Variants in EFEMP1 observed in about 807,000 individuals in gnomAD.
The protein encoded by EFEMP1 is EGF-containing fibulin-like extracellular matrix protein 1.
A neutral mutation model predicts 65.7 loss-of-function variants in EFEMP1; 18 were observed. That is an observed-to-expected ratio of 0.27 (90% CI 0.19 to 0.41). The LOEUF (loss-of-function observed/expected upper bound fraction) is 0.41, where lower values mean the gene tolerates loss of function less well. Ranked by LOEUF, EFEMP1 falls within the 10% of genes least tolerant of loss-of-function variation. EFEMP1 has a pLI of 1.00. For missense variants in EFEMP1, 469 were observed against 624.8 expected (o/e 0.75, Z 2.66); for synonymous variants, 237 against 219.7 (o/e 1.08, Z -0.70).
In EFEMP1 at chr2:55,877,143, T is replaced by A. The variant is rs1669068509; in HGVS notation, c.761-401A>T. ...ATATAAGACACTTATACTGATATGG[T>A]CTCTCAGCATGCTGTACTGAAGATT... On this transcript the variant is annotated intron_variant, in intron 7 of 11. Coordinates refer to ENST00000355426, the MANE Select transcript of EFEMP1 (RefSeq NM_001039348.3). The surrounding 1 kb of genome is among the most constrained non-coding windows in gnomAD (Gnocchi z 4.5). Among the ~76,000 whole-genome samples the A allele has an allele frequency of 6.6e-6, 1 of 152,186 alleles. No individual in the cohort carries two copies. The highest frequency in any genetic ancestry group is 1.5e-5 in the Non-Finnish European group (1 of 68,038).
chr2:55,889,919 G>T (rs1031022269), intron 5 of EFEMP1, among the ~76,000 whole-genome samples: 7 of 151,406 alleles, frequency 4.6e-5, no homozygotes, highest in Admixed American at 3.9e-4. Flanking sequence ...AAAACAAAAG[G>T]AAACTAAAAT....
At chr2:55,895,546 T>TC (rs1216279789) in intron 5 of EFEMP1, among the ~76,000 whole-genome samples, 2 of 147,574 alleles carry the variant, frequency 1.4e-5, no homozygotes, top group East Asian at 3.9e-4. Flanking sequence ...CAAATTATCT[T>TC]TTTTTTTTTT....
rs1668899815 is a variant in EFEMP1, at chr2:55,873,393, T to C, written c.1000+1553A>G. On this transcript the variant is annotated intron_variant, in intron 9 of 11. Coordinates refer to ENST00000355426, the MANE Select transcript of EFEMP1 (RefSeq NM_001039348.3). The surrounding 1 kb of genome is among the most constrained non-coding windows in gnomAD (Gnocchi z 4.6). ...ATTTTGGTGCATTTTCCACCTTTAA[T>C]TACAATAGATATAAATGTTTCCACA... 6.6e-6 allele frequency among the ~76,000 whole-genome samples: 1 copy of C among 152,100 alleles called. No individual in the cohort carries two copies. Among genetic ancestry groups the C allele is most frequent in the Non-Finnish European group, 1.5e-5 (1 of 67,972 alleles).
At chr2:55,875,103 A>G in intron 8 of EFEMP1, 38 bp from the exon 9 acceptor site, 1 of 1,534,420 alleles carries the variant, frequency 6.5e-7, no homozygotes, top group Non-Finnish European at 8.8e-7. Flanking sequence ...CAGAGTTGAA[A>G]AGTTTGTGCA....
chr2:55,922,277 T>C lies in EFEMP1; in HGVS notation c.81+83A>G. 7.9e-7 allele frequency: 1 copy of C among 1,272,538 alleles called. No homozygotes were observed. The highest frequency in any genetic ancestry group is 1.1e-6 in the Non-Finnish European group (1 of 871,620). 78.8% of individuals were successfully genotyped at this position (1,272,538 alleles called of 1,614,324 possible). A position where few individuals can be genotyped will look rare whatever the true frequency, so the allele number is the denominator to read the frequency against. ...CACCCTCAGCAGAGTATAGCCCAAA[T>C]ACACTGGCAGGGGTGTGTAAAGTCT... On this transcript the variant is annotated intron_variant, in intron 3 of 11. Transcript: ENST00000355426. This position sits in a 1 kb window ranked among gnomAD's most constrained non-coding sequence, Gnocchi z 5.5.
At chr2:55,880,467 G>A (rs1268024573) in intron 6 of EFEMP1, among the ~76,000 whole-genome samples, 4 of 152,154 alleles carry the variant, frequency 2.6e-5, no homozygotes, top group Non-Finnish European at 5.9e-5. Flanking sequence ...TTAAATCACA[G>A]CTTCATTTAT....
chr2:55,920,104 C>T (rs143656908), intron 3 of EFEMP1, among the ~76,000 whole-genome samples: 54 of 152,306 alleles, frequency 3.5e-4, no homozygotes, highest in African/African-American at 1.3e-3. Flanking sequence ...CTGATCTGAC[C>T]TTATCACCAC....
At chr2:55,876,492 A>T in intron 8 of EFEMP1, 131 bp downstream of exon 8, 1 of 1,335,456 alleles carries the variant, frequency 7.5e-7, no homozygotes, top group Non-Finnish European at 1.0e-6. Context: ...CAACTGAACT[A>T]CATTAACTGG....
intron 5 of EFEMP1, among the ~76,000 whole-genome samples, chr2:55,892,377 C>T (rs1669659235): frequency 6.6e-6 from 1 of 152,100 alleles, no homozygotes; most frequent in Admixed American, 6.5e-5. Flanking sequence ...TAACTTGGAT[C>T]TTGGGAAACC....
chr2:55,907,973 A>C (rs1670343504), intron 5 of EFEMP1, among the ~76,000 whole-genome samples: 2 of 152,086 alleles, frequency 1.3e-5, no homozygotes, highest in Middle Eastern at 3.2e-3. Flanking sequence ...CGTCACTCTT[A>C]TTTCACCTAC....
At position 55,870,974 on chromosome 2, in the gene EFEMP1, C is replaced by A; in HGVS notation, c.1124+26G>T. On this transcript the variant is annotated intron_variant, in intron 10 of 11. Transcript: ENST00000355426. This position sits in a 1 kb window ranked among gnomAD's most constrained non-coding sequence, Gnocchi z 5.8. ...GCTTGGTAAGACCAGAAAATCCTCA[C>A]TTTCAAAAGTTCTGATTTTTCTTAC... The A allele has an allele frequency of 6.2e-7, 1 of 1,613,718 alleles. No homozygotes were observed. The highest frequency in any genetic ancestry group is 8.5e-7 in the Non-Finnish European group (1 of 1,179,778).
rs150491222 is a variant in EFEMP1, at chr2:55,917,002, G to T, written c.517+663C>A. On this transcript the variant is annotated intron_variant, in intron 5 of 11. Coordinates refer to ENST00000355426, the MANE Select transcript of EFEMP1 (RefSeq NM_001039348.3). This position sits in a 1 kb window ranked among gnomAD's most constrained non-coding sequence, Gnocchi z 6.3. ...TGATATAAGTGAAACGTCGTCAAAT[G>T]AGAGCTTAAAAGAGATATAAACGTG... Among the ~76,000 whole-genome samples, 17 of 152,224 alleles carry T rather than the reference G, an allele frequency of 1.1e-4. No individual in the cohort carries two copies. Among genetic ancestry groups the T allele is most frequent in the Non-Finnish European group, 1.8e-4 (12 of 68,044 alleles).
chr2:55,900,314 TC>T (rs980556249), intron 5 of EFEMP1, among the ~76,000 whole-genome samples: 2 of 139,316 alleles, frequency 1.4e-5, no homozygotes, highest in Admixed American at 7.2e-5. Flanking sequence ...GCCCCCACGA[TC>T]CCCCCCACCA....
At chr2:55,908,750 T>C (rs1342953584) in intron 5 of EFEMP1, among the ~76,000 whole-genome samples, 1 of 152,164 alleles carries the variant, frequency 6.6e-6, no homozygotes. Context: ...TTTTCAGGCT[T>C]ATGATTATCT....
At chr2:55,907,212 A>G (rs958761961) in intron 5 of EFEMP1, among the ~76,000 whole-genome samples, 1 of 152,330 alleles carries the variant, frequency 6.6e-6, no homozygotes, top group East Asian at 1.9e-4. Flanking sequence ...ATTTTGGTAC[A>G]TGGTACCTTC....
intron 5 of EFEMP1, among the ~76,000 whole-genome samples, chr2:55,904,681 C>A (rs987088727): frequency 6.6e-6 from 1 of 152,184 alleles, no homozygotes; most frequent in Non-Finnish European, 1.5e-5. Flanking sequence ...ATTTTTTGGA[C>A]TCTGGGACTT....
chr2:55,904,510 T>G (rs1670169309), intron 5 of EFEMP1, among the ~76,000 whole-genome samples: 1 of 152,068 alleles, frequency 6.6e-6, no homozygotes, highest in Admixed American at 6.6e-5. Flanking sequence ...GTAAAGCAGA[T>G]GGCCCTCACC....
chr2:55,904,966 C>CTTTTTTTTTTTTTTTT (rs796758221), intron 5 of EFEMP1, among the ~76,000 whole-genome samples: 887 of 70,194 alleles, frequency 0.013, 24 homozygotes, highest in Middle Eastern at 0.051. Context: ...GGGATAGTGG[C>CTTTTTTTTTTTTTTTT]TTTTTTTTTT....
chr2:55,881,374 C>A (rs1168147740), intron 6 of EFEMP1, among the ~76,000 whole-genome samples: 1 of 152,146 alleles, frequency 6.6e-6, no homozygotes, highest in Non-Finnish European at 1.5e-5. Flanking sequence ...CCCATTCATA[C>A]CCCAAATTTC....
Sources: gnomAD v4.1 joint callset for allele counts (sites outside exome capture counted in the v4.1 genomes callset) on GRCh38, gnomAD v4.1.1 for gene constraint, Gnocchi (gnomAD v3.1) non-coding constraint, MANE v1.5 for transcripts, NCBI Gene and HGNC (gene_info 2026-07-23, HGNC 2026-07-21) for gene names.